Variants in MED24 observed in about 807,000 individuals in gnomAD.
MED24 encodes mediator complex subunit 24.
A neutral mutation model predicts 118.8 loss-of-function variants in MED24; 74 were observed. That is an observed-to-expected ratio of 0.62 (90% confidence interval 0.52 to 0.76). MED24 has a LOEUF of 0.76. Among genes scored for constraint, MED24 ranks in the 30% least tolerant of loss-of-function variants. The pLI is 0.00. For synonymous variants in MED24, 521 were observed against 523.9 expected (o/e 0.99, Z 0.08); for missense variants, 1,041 against 1,278.9 (o/e 0.81, Z 2.84).
At chr17:40,044,858 G>A (rs1275810732) in intron 3 of MED24, among the ~76,000 whole-genome samples, 3 of 143,234 alleles carry the variant, frequency 2.1e-5, no homozygotes, top group Admixed American at 1.4e-4. Context: ...CAGCCTGGGC[G>A]ACACAGCGAG....
intron 3 of MED24, among the ~76,000 whole-genome samples, chr17:40,042,217 A>G (rs1483589671): frequency 2.0e-5 from 3 of 152,206 alleles, no homozygotes; most frequent in Non-Finnish European, 4.4e-5. Context: ...TTAAAATATA[A>G]TAGGATTTTT....
Position 40,022,708 on chromosome 17 carries a change from C to A in MED24, c.2369G>T (p.Gly790Val). 1 of 1,613,866 alleles carries A rather than the reference C, an allele frequency of 6.2e-7. No individual in the cohort carries two copies. The highest frequency in any genetic ancestry group is 1.1e-5 in the South Asian group (1 of 91,054). Residue 790 changes from glycine (G) to valine (V), a missense_variant, in exon 21 of 26, where the codon GGC (glycine) becomes GTC (valine). By Grantham distance (109) the Gly-to-Val change is moderately radical. Transcript: ENST00000394128. ...CCACTTGGAGGAGTCAGTGAGCAGG[C>A]CAGGTAGGATGTGGCCCAGCAGGAC... ...TLVLLGHILP[G>V]LLTDSSKWHS...
At position 40,026,654 on chromosome 17, in the gene MED24, G is replaced by T. The variant is rs1982688602; in HGVS notation, c.1802C>A (p.Ser601Tyr). The T allele has an allele frequency of 6.2e-6, 10 of 1,607,858 alleles. No individual in the cohort carries two copies. The East Asian group carries it at 2.2e-4, about 36-fold the overall frequency. The change falls in exon 18 of 26, where the codon TCC becomes TAC. Residue 601 changes from serine to tyrosine, a missense_variant. This residue lies in a region of MED24 where 587 missense variants were observed against 694.4 expected (regional missense o/e 0.85). Coordinates refer to ENST00000394128, the MANE Select transcript of MED24 (RefSeq NM_014815.4). ...CTGGGAAGGCGGGGCTACCTGGATG[G>T]ACTCGAAGGCCAGGACCCCATTCTC... is the stretch of plus-strand genomic sequence containing the variant. ...AWENGVLAFESIQKITDNIKG... is the reference protein window; with the variant it reads ...AWENGVLAFEYIQKITDNIKG...
At chr17:40,032,143 A>G (rs986365275) in intron 9 of MED24, 53 bp from the exon 10 acceptor site, 2 of 1,592,010 alleles carry the variant, frequency 1.3e-6, no homozygotes, top group Admixed American at 1.7e-5. Context: ...TTTCTCTTTC[A>G]TCTACCCCTG....
intron 12 of MED24, among the ~76,000 whole-genome samples, chr17:40,030,571 G>A (rs887597527): frequency 6.6e-6 from 1 of 152,058 alleles, no homozygotes; most frequent in Non-Finnish European, 1.5e-5. Flanking sequence ...GGGATTACAG[G>A]TGTGAGCCAC....
At chr17:40,052,051 T>C (rs536751646) in intron 3 of MED24, among the ~76,000 whole-genome samples, 80 of 151,958 alleles carry the variant, frequency 5.3e-4, no homozygotes, top group African/African-American at 1.9e-3. Context: ...TCCTAGCACT[T>C]TGGGAGGCCA....
chr17:40,022,305 A>G lies in MED24; in HGVS notation c.2523+89T>C, dbSNP rs1439575420. ...AGCTGCCCCAAGGGCAGGGGCCACAACTGCTTCCCTTTGCCTGGGGAATCC... is the reference window on the plus strand; with the variant it reads ...AGCTGCCCCAAGGGCAGGGGCCACAGCTGCTTCCCTTTGCCTGGGGAATCC... On this transcript the variant is annotated intron_variant, in intron 22 of 25. Transcript: ENST00000394128. 1.1e-5 allele frequency: 15 copies of G among 1,372,212 alleles called. No individual in the cohort carries two copies. The East Asian group carries it at 1.5e-4, about 14-fold the overall frequency. 85.0% of individuals were successfully genotyped at this position (1,372,212 alleles called of 1,614,324 possible). A position where few individuals can be genotyped will look rare whatever the true frequency, so the allele number is the denominator to read the frequency against.
At chr17:40,027,871 G>T in intron 15 of MED24, 38 bp downstream of exon 15, 1 of 1,605,798 alleles carries the variant, frequency 6.2e-7, no homozygotes, top group South Asian at 1.1e-5. Flanking sequence ...CCCCTCCTCA[G>T]GGCCCACTGG....
intron 19 of MED24, among the ~76,000 whole-genome samples, chr17:40,024,822 G>A (rs1399113314): frequency 6.6e-6 from 1 of 152,106 alleles, no homozygotes; most frequent in East Asian, 2.0e-4. Context: ...TGCAACCTCC[G>A]CTTCCTGGGT....
rs1279968084 is a variant in MED24, at chr17:40,019,537, C to T, written c.2962G>A (p.Ala988Thr). 6.2e-7 allele frequency: 1 copy of T among 1,611,882 alleles called. No individual in the cohort carries two copies. The highest frequency in any genetic ancestry group is 1.1e-5 in the South Asian group (1 of 90,944). The change falls in exon 26 of 26, where the codon GCA (alanine) becomes ACA (threonine). Residue 988 changes from alanine to threonine, a missense_variant. Transcript: ENST00000394128. ...GRQVAAKAIA[A>T]L ...CGGCCATGCCAAGCCCCTCAGAGTG[C>T]AGCAATGGCTTTAGCAGCCACCTGG...
chr17:40,024,879 G>A (rs906862811), intron 19 of MED24, among the ~76,000 whole-genome samples: 2 of 152,038 alleles, frequency 1.3e-5, no homozygotes, highest in East Asian at 2.0e-4. Flanking sequence ...GGGATTGCAG[G>A]CGCCTGCCAC....
In MED24 at chr17:40,033,064, G is replaced by A. The variant is rs779448481; in HGVS notation, c.814C>T (p.Arg272Cys). Residue 272 changes from arginine (R) to cysteine (C), a missense_variant, in exon 8 of 26, where the codon CGC becomes TGC. By Grantham distance (180) the Arg-to-Cys change is radical (BLOSUM62 -3). Transcript: ENST00000394128. This position sits in a 1 kb window ranked among gnomAD's most constrained non-coding sequence, Gnocchi z 5.2. ...SLVEQLTMVK[R>C]MQHIPTPLFV... ...CACTCGGCCCCTCCCACCTGCATGC[G>A]CTTCACCATCGTCAGCTGCTCCACC... 1.4e-5 allele frequency: 22 copies of A among 1,613,760 alleles called. No homozygotes were observed. The highest frequency in any genetic ancestry group is 1.9e-5 in the Non-Finnish European group (22 of 1,180,034).
chr17:40,019,216 C>A lies in MED24; in HGVS notation c.*313G>T. ...CACACACACACACATACACACTTTG[C>A]ATCTAGAAAGTTCCTCAGAGGTAAG... On this transcript the variant is annotated 3_prime_UTR_variant, in exon 26 of 26. Transcript: ENST00000394128. The A allele has an allele frequency of 6.5e-6, 2 of 308,420 alleles. No homozygotes were observed. The highest frequency in any genetic ancestry group is 1.2e-5 in the Non-Finnish European group (2 of 165,636). The allele number at this position is 308,420 out of a possible 1,614,324, so 19.1% of individuals were successfully genotyped here. A position where few individuals can be genotyped will look rare whatever the true frequency, so the allele number is the denominator to read the frequency against.
In MED24 at chr17:40,021,951, T is replaced by C. The variant is rs774242332; in HGVS notation, c.2623+4A>G. 2 of 1,588,418 alleles carry C rather than the reference T, an allele frequency of 1.3e-6. No homozygotes were observed. Among genetic ancestry groups the C allele is most frequent in the Non-Finnish European group, 1.7e-6 (2 of 1,165,698 alleles). On this transcript the variant is annotated splice_donor_region_variant and intron_variant, in intron 23 of 25. Transcript: ENST00000394128. ...AGCGGCGCGCGGCCAGCCCACACACTCACTGGGGCTCGAAAGGATGTTGGC... is the reference window on the plus strand; with the variant it reads ...AGCGGCGCGCGGCCAGCCCACACACCCACTGGGGCTCGAAAGGATGTTGGC...
At chr17:40,027,993 C>T in intron 14 of MED24, 47 bp from the exon 15 acceptor site, 2 of 1,598,796 alleles carry the variant, frequency 1.3e-6, no homozygotes, top group East Asian at 2.2e-5. Flanking sequence ...ATGAGCTGAG[C>T]AGTAGCTGGG....
chr17:40,021,604 C>G (rs1369062752), intron 23 of MED24, among the ~76,000 whole-genome samples: 5 of 152,194 alleles, frequency 3.3e-5, no homozygotes, highest in African/African-American at 1.2e-4. Context: ...AAGGTCAGAG[C>G]TGGTGAGTCA....
intron 14 of MED24, 32 bp from the exon 15 acceptor site, chr17:40,027,978 A>G (rs1163419610): frequency 1.2e-6 from 2 of 1,612,024 alleles, no homozygotes; most frequent in Non-Finnish European, 1.7e-6. Flanking sequence ...TGCATTGACC[A>G]GGGCATGAGC....
intron 3 of MED24, among the ~76,000 whole-genome samples, chr17:40,044,306 G>A (rs1029681884): frequency 2.6e-5 from 4 of 151,838 alleles, no homozygotes; most frequent in East Asian, 1.9e-4. Context: ...GACCACATGA[G>A]GTCAGGAGCT....
At position 40,039,862 on chromosome 17, in the gene MED24, C is replaced by A. The variant is rs548937379; in HGVS notation, c.214-3708G>T. Among the ~76,000 whole-genome samples, 30 of 150,594 alleles carry A rather than the reference C, an allele frequency of 2.0e-4. No individual in the cohort carries two copies. The South Asian group carries it at 6.1e-3, about 31-fold the overall frequency. Reference sequence around the variant, plus strand: ...GCAGCGGCGAGATCTCAGCTCACTGCAAGCTCTGCCTCCCGAGTTCACACC... The same window carrying A: ...GCAGCGGCGAGATCTCAGCTCACTGAAAGCTCTGCCTCCCGAGTTCACACC... On this transcript the variant is annotated intron_variant, in intron 3 of 25. Coordinates refer to ENST00000394128, the MANE Select transcript of MED24 (RefSeq NM_014815.4).
Sources: allele counts gnomAD v4.1 joint callset (sites outside exome capture counted in the v4.1 genomes callset), GRCh38; gene constraint gnomAD v4.1.1; regional missense constraint gnomAD v4.1.1; non-coding constraint Gnocchi (gnomAD v3.1); transcripts MANE v1.5; gene names NCBI Gene and HGNC (gene_info 2026-07-23, HGNC 2026-07-21).